The following GABBR2 variants were observed in gnomAD, a reference collection of about 807,000 sequenced individuals.
GABBR2 encodes the protein gamma-aminobutyric acid type B receptor subunit 2, also known as G-protein coupled receptor 51.
A neutral mutation model predicts 105.6 loss-of-function variants in GABBR2; 23 were observed. The observed-to-expected ratio is 0.22, with a 90% CI of 0.16 to 0.31. The LOEUF (loss-of-function observed/expected upper bound fraction) is 0.31. GABBR2 is among the 10% of genes least tolerant of loss of function. The probability of loss-of-function intolerance (pLI) is 1.00; values close to 1 mark genes in which losing one functional copy is unlikely to be tolerated. For synonymous variants in GABBR2, 478 were observed against 499.7 expected, an observed-to-expected ratio of 0.96 and a Z score of 0.58; for missense variants, 734 against 1,245.5, an observed-to-expected ratio of 0.59 and a Z score of 6.18.
Position 98,542,053 on chromosome 9 carries a change from AC to A in GABBR2, c.460-11del. The A allele has an allele frequency of 6.2e-7, 1 of 1,612,928 alleles. No homozygotes were observed. The highest frequency in any genetic ancestry group is 1.1e-5 in the South Asian group (1 of 90,972). On this transcript the variant is annotated splice_polypyrimidine_tract_variant and intron_variant, in intron 2 of 18. Transcript: ENST00000259455. Reference sequence around the variant, plus strand: ...TTGCAGCAAAAGAAAGCTGAAAAACACAAAAGAGACAACGCTTTTTACTGAT... The same window carrying A: ...TTGCAGCAAAAGAAAGCTGAAAAACAAAAAGAGACAACGCTTTTTACTGAT...
intron 7 of GABBR2, among the ~76,000 whole-genome samples, chr9:98,412,159 G>C (rs1832602109): frequency 6.6e-6 from 1 of 152,218 alleles, no homozygotes; most frequent in Admixed American, 6.5e-5. Flanking sequence ...ACAAGATCTG[G>C]TGTAGGGTCA....
intron 7 of GABBR2, among the ~76,000 whole-genome samples, chr9:98,438,889 T>TC (rs2131584456): frequency 6.6e-6 from 1 of 152,260 alleles, no homozygotes; most frequent in African/African-American, 2.4e-5. Flanking sequence ...TGGATCCCTC[T>TC]CCCTTCTCTC....
intron 3 of GABBR2, among the ~76,000 whole-genome samples, chr9:98,497,921 T>A (rs1450992951): frequency 6.6e-6 from 1 of 152,190 alleles, no homozygotes; most frequent in African/African-American, 2.4e-5. Context: ...TTGACAGACA[T>A]TTTACACCCA....
chr9:98,516,598 C>T (rs936688819), intron 3 of GABBR2, among the ~76,000 whole-genome samples: 11 of 152,168 alleles, frequency 7.2e-5, no homozygotes, highest in Non-Finnish European at 1.6e-4. Flanking sequence ...AGTTGCAGAC[C>T]TTTCAGGACC....
At chr9:98,683,939 C>T (rs1291611893) in intron 1 of GABBR2, among the ~76,000 whole-genome samples, 44 of 137,662 alleles carry the variant, frequency 3.2e-4, no homozygotes, top group Non-Finnish European at 4.2e-4. Flanking sequence ...ACCCAGGAGG[C>T]GGAGCTTGCA....
intron 7 of GABBR2, among the ~76,000 whole-genome samples, chr9:98,444,643 G>A (rs1280030320): frequency 6.6e-6 from 1 of 151,148 alleles, no homozygotes; most frequent in African/African-American, 2.4e-5. Flanking sequence ...TATTATAGTT[G>A]TTGTTTATTA....
At chr9:98,293,624 T>G (rs1299799958) in intron 18 of GABBR2, among the ~76,000 whole-genome samples, 161 bp downstream of exon 18, 10 of 152,184 alleles carry the variant, frequency 6.6e-5, no homozygotes, top group Non-Finnish European at 4.4e-5. Flanking sequence ...GAATATTAGT[T>G]TTTCATCTGT....
intron 7 of GABBR2, among the ~76,000 whole-genome samples, chr9:98,436,918 G>C (rs965906663): frequency 1.4e-4 from 22 of 152,090 alleles, no homozygotes. Flanking sequence ...TAGCATTCAG[G>C]TTGGCACTCA....
At chr9:98,657,535 G>A (rs547471513) in intron 1 of GABBR2, among the ~76,000 whole-genome samples, 14 of 152,282 alleles carry the variant, frequency 9.2e-5, no homozygotes, top group African/African-American at 3.4e-4. Context: ...TAGCGGAAGG[G>A]AATATGAAAA....
chr9:98,486,002 G>A (rs969526139), intron 4 of GABBR2, among the ~76,000 whole-genome samples: 7 of 152,152 alleles, frequency 4.6e-5, no homozygotes, highest in African/African-American at 1.7e-4. Context: ...TCTGTGCTCC[G>A]GAGACCCCTG....
At chr9:98,391,730 CTG>C (rs1832184666) in intron 9 of GABBR2, among the ~76,000 whole-genome samples, 1 of 152,120 alleles carries the variant, frequency 6.6e-6, no homozygotes, top group Non-Finnish European at 1.5e-5. Flanking sequence ...TGGGGGGAAT[CTG>C]AGAGAGGAGA....
intron 1 of GABBR2, among the ~76,000 whole-genome samples, chr9:98,657,897 T>C (rs1482455065): frequency 6.6e-6 from 1 of 152,206 alleles, no homozygotes; most frequent in African/African-American, 2.4e-5. Flanking sequence ...CTTTGTCTTC[T>C]GCCATGACTG....
At chr9:98,534,538 T>C (rs1172306043) in intron 3 of GABBR2, among the ~76,000 whole-genome samples, 1 of 152,092 alleles carries the variant, frequency 6.6e-6, no homozygotes, top group Admixed American at 6.5e-5. Flanking sequence ...CCTAACACAT[T>C]GAATCCTCCC....
chr9:98,687,907 G>A lies in GABBR2; in HGVS notation c.321+20510C>T, dbSNP rs371753980. On this transcript the variant is annotated intron_variant, in intron 1 of 18. Transcript: ENST00000259455. ...TGAATCCAAAGCCACCAATGGAAGT[G>A]TTTTCTCTCATCTCTGGGCATGTTC... 1.5e-3 allele frequency among the ~76,000 whole-genome samples: 230 copies of A among 152,296 alleles called. 2 individuals are homozygous for A. The highest frequency in any genetic ancestry group is 5.3e-3 in the African/African-American group (220 of 41,562).
chr9:98,405,248 A>G lies in GABBR2; in HGVS notation c.1297+833T>C, dbSNP rs376668212. ...TCTCTACTTTAGAGTCTGTTTGAAC[A>G]TCTCTAAAATCAAAACCAAAAACAG... On this transcript the variant is annotated intron_variant, in intron 8 of 18. Transcript: ENST00000259455. 7.2e-5 allele frequency among the ~76,000 whole-genome samples: 11 copies of G among 152,300 alleles called. 1 individual carries two copies. The East Asian group carries it at 9.6e-4, about 13-fold the overall frequency.
At chr9:98,553,515 C>T (rs1828529396) in intron 2 of GABBR2, among the ~76,000 whole-genome samples, 1 of 152,064 alleles carries the variant, frequency 6.6e-6, no homozygotes, top group Admixed American at 6.5e-5. Context: ...TCAACTGAGT[C>T]TGAGACATTG....
intron 13 of GABBR2, among the ~76,000 whole-genome samples, chr9:98,353,059 T>C (rs1184838270): frequency 1.3e-5 from 2 of 152,106 alleles, no homozygotes. Context: ...TGCAGTTGTA[T>C]GGACTCCAGG....
chr9:98,530,318 C>G (rs1227893847), intron 3 of GABBR2, among the ~76,000 whole-genome samples: 1 of 152,208 alleles, frequency 6.6e-6, no homozygotes, highest in Non-Finnish European at 1.5e-5. Flanking sequence ...CTCCCTGCTT[C>G]TGTGGTAGGT....
intron 1 of GABBR2, among the ~76,000 whole-genome samples, chr9:98,598,183 A>C (rs1829265716): frequency 6.6e-6 from 1 of 152,158 alleles, no homozygotes; most frequent in South Asian, 2.1e-4. Flanking sequence ...GACAACATCC[A>C]CCTGAAAAAT....
Sources: gnomAD v4.1 joint callset for allele counts (sites outside exome capture counted in the v4.1 genomes callset) on GRCh38, gnomAD v4.1.1 for gene constraint, MANE v1.5 for transcripts, NCBI Gene and HGNC (gene_info 2026-07-23, HGNC 2026-07-21) for gene names.